The following KRT72 variants were observed in gnomAD, a reference collection of about 807,000 sequenced individuals.
KRT72 encodes keratin 72, also known as keratin, type II cytoskeletal 72.
A neutral mutation model predicts 44.7 loss-of-function variants in KRT72; 44 were observed. The ratio of observed to expected loss-of-function variants is 0.98; its 90% CI spans 0.77 to 1.27. The LOEUF (loss-of-function observed/expected upper bound fraction) is 1.27, where lower values mean the gene tolerates loss of function less well. Among genes scored for constraint, KRT72 ranks in the 50% most tolerant of loss-of-function variants. The pLI, the probability that KRT72 is intolerant of heterozygous loss-of-function variation, is 0.00. For missense variants in KRT72, 736 were observed against 667.1 expected, an observed-to-expected ratio of 1.10 and a Z score of -1.14; for synonymous variants, 302 against 280.4, an observed-to-expected ratio of 1.08 and a Z score of -0.77.
rs112554837 is a variant in KRT72, at chr12:52,600,365, C to T, written c.426+662G>A. Among the ~76,000 whole-genome samples, 588 of 152,284 alleles carry T rather than the reference C, an allele frequency of 3.9e-3. 17 individuals are homozygous for T. The East Asian group carries it at 0.048, about 12-fold the overall frequency. ...ATTGGGAGCTCTCAAAGTGCCCATT[C>T]CTTGGACATCCTGACCCCTCCCTTC... On this transcript the variant is annotated intron_variant, in intron 1 of 8. Coordinates refer to ENST00000293745, the MANE Select transcript of KRT72 (RefSeq NM_080747.3).
Position 52,590,887 on chromosome 12 carries a change from G to A in KRT72, c.1038C>T (p.Leu346=), listed in dbSNP as rs908684975. 5 of 1,606,478 alleles carry A rather than the reference G, an allele frequency of 3.1e-6. No homozygotes were observed. Among genetic ancestry groups the A allele is most frequent in the East Asian group, 2.2e-5 (1 of 44,748 alleles). The change falls in exon 6 of 9, where the codon CTC becomes CTT. Residue 346 remains leucine, a synonymous_variant. Coordinates refer to ENST00000293745, the MANE Select transcript of KRT72 (RefSeq NM_080747.3). The stretch of plus-strand genomic sequence containing the variant: ...AGCGGATCCTCTGGATCAGGCGGTT[G>A]AGCTCAGAGATTTCAGCCTTGGTGA... The part of the protein sequence containing the change: ...LKLTKAEISE[L]NRLIQRIRSE...
At chr12:52,591,688 TG>T (rs1397332139) in intron 4 of KRT72, 60 bp from the exon 5 acceptor site, 44 of 1,498,070 alleles carry the variant, frequency 2.9e-5, no homozygotes, top group Non-Finnish European at 4.0e-5. Context: ...CCAGTTCTCT[TG>T]GTCCTCCCTG....
intron 2 of KRT72, among the ~76,000 whole-genome samples, chr12:52,594,233 A>G (rs1215750080): frequency 1.3e-5 from 2 of 152,192 alleles, no homozygotes. Context: ...TAGAAATACC[A>G]TTTGACCCAG....
intron 4 of KRT72, 104 bp downstream of exon 4, chr12:52,592,292 G>T: frequency 1.3e-6 from 1 of 796,594 alleles, no homozygotes; most frequent in Non-Finnish European, 2.2e-6. Flanking sequence ...CAGGTTGAAA[G>T]CTTTCTCCCT....
chr12:52,592,807 A>C, intron 3 of KRT72, 85 bp downstream of exon 3: 27 of 1,108,246 alleles, frequency 2.4e-5, no homozygotes, highest in Non-Finnish European at 3.1e-5. Flanking sequence ...AGTGACCTAC[A>C]GGGCCCCTTT....
At chr12:52,592,556 C>T in intron 3 of KRT72, 65 bp from the exon 4 acceptor site, 2 of 1,211,990 alleles carry the variant, frequency 1.7e-6, no homozygotes, top group Non-Finnish European at 2.4e-6. Flanking sequence ...CCCTCCCTGC[C>T]ACAGGAAGCC....
intron 1 of KRT72, among the ~76,000 whole-genome samples, chr12:52,600,512 A>C (rs1464713556): frequency 6.6e-6 from 1 of 152,148 alleles, no homozygotes; most frequent in Non-Finnish European, 1.5e-5. Context: ...GGAGGGACCC[A>C]GGGGGGAGGT....
intron 6 of KRT72, among the ~76,000 whole-genome samples, chr12:52,589,103 G>A (rs1322663220): frequency 3.3e-5 from 5 of 152,148 alleles, no homozygotes; most frequent in Non-Finnish European, 4.4e-5. Flanking sequence ...CCCCCAGGGG[G>A]CTTCCTGAGC....
chr12:52,592,630 C>A, intron 3 of KRT72, 139 bp from the exon 4 acceptor site: 2 of 680,926 alleles, frequency 2.9e-6, no homozygotes. Context: ...CCCTTCAGTC[C>A]CTGAGAGTAA....
intron 6 of KRT72, among the ~76,000 whole-genome samples, 181 bp from the exon 7 acceptor site, chr12:52,588,032 C>A (rs1036039890): frequency 6.6e-6 from 1 of 152,218 alleles, no homozygotes; most frequent in Admixed American, 6.5e-5. Context: ...CATGGTTCAC[C>A]CTGGCTCATG....
chr12:52,592,123 C>A (rs1940058184), intron 4 of KRT72, among the ~76,000 whole-genome samples: 1 of 152,210 alleles, frequency 6.6e-6, no homozygotes, highest in Non-Finnish European at 1.5e-5. Flanking sequence ...CAGAACCCAC[C>A]ATTCCTTCCT....
chr12:52,591,626 C>A lies in KRT72; in HGVS notation c.801G>T (p.Glu267Asp). ...TGATGTGGGACTGGATCTGAGTGAT[C>A]TCCTGGGGACGGTTGGGGGAGGGGA... ...IKFFKCLYEG[E>D]ITQIQSHISD... The change falls in exon 5 of 9, where the codon GAG (glutamate) becomes GAT (aspartate). Residue 267 changes from glutamate (E) to aspartate (D), a missense_variant and splice_region_variant. Glu to Asp is a conservative substitution (Grantham distance 45). Coordinates refer to ENST00000293745, the MANE Select transcript of KRT72 (RefSeq NM_080747.3). The A allele has an allele frequency of 6.2e-7, 1 of 1,604,800 alleles. No individual in the cohort carries two copies. The highest frequency in any genetic ancestry group is 8.5e-7 in the Non-Finnish European group (1 of 1,172,602).
At chr12:52,601,470 G>T (rs1329702367), upstream of KRT72, 1 of 1,532,470 alleles carries the variant, frequency 6.5e-7, no homozygotes, top group Admixed American at 2.0e-5. Flanking sequence ...AAGTACCGGT[G>T]CTGGCCGCGC....
At chr12:52,594,213 G>A (rs564128152) in intron 2 of KRT72, among the ~76,000 whole-genome samples, 2 of 152,108 alleles carry the variant, frequency 1.3e-5, no homozygotes, top group Middle Eastern at 3.2e-3. Flanking sequence ...ATTCCTCAAG[G>A]ATCTAGAACT....
chr12:52,599,034 T>C lies in KRT72; in HGVS notation c.505A>G (p.Arg169Gly). The C allele has an allele frequency of 6.2e-7, 1 of 1,614,018 alleles. No individual in the cohort carries two copies. Among genetic ancestry groups the C allele is most frequent in the Non-Finnish European group, 8.5e-7 (1 of 1,179,890 alleles). ...TCATAAATGGGCTCCAGGTTCTTCC[T>C]GCAGTTGTTCAAGTCCAGCTGCTGT... ...LLQQLDLNNC[R>G]KNLEPIYEGY... The change falls in exon 2 of 9, where the codon AGG becomes GGG. Residue 169 changes from arginine to glycine, a missense_variant. Coordinates refer to ENST00000293745, the MANE Select transcript of KRT72 (RefSeq NM_080747.3).
At chr12:52,598,515 C>A (rs1157401875) in intron 2 of KRT72, among the ~76,000 whole-genome samples, 4 of 152,180 alleles carry the variant, frequency 2.6e-5, no homozygotes, top group African/African-American at 9.7e-5. Context: ...AGCCATGATT[C>A]AACATGGAAT....
Position 52,585,875 on chromosome 12 carries a change from A to T in KRT72, c.*107T>A. The T allele has an allele frequency of 9.9e-7, 1 of 1,011,750 alleles. No individual in the cohort carries two copies. The highest frequency in any genetic ancestry group is 1.5e-6 in the Non-Finnish European group (1 of 664,880). 62.7% of individuals were successfully genotyped at this position (1,011,750 alleles called of 1,614,324 possible). A position where few individuals can be genotyped will look rare whatever the true frequency, so the allele number is the denominator to read the frequency against. ...GGAGAGGAAATGGGGTTGGGACTGT[A>T]GTGACAGACAAAGCATTTCTTGACT... On this transcript the variant is annotated 3_prime_UTR_variant, in exon 9 of 9. Coordinates refer to ENST00000293745, the MANE Select transcript of KRT72 (RefSeq NM_080747.3).
chr12:52,602,098 T>C (rs1466327692), upstream of KRT72, among the ~76,000 whole-genome samples: 2 of 152,122 alleles, frequency 1.3e-5, no homozygotes, highest in African/African-American at 4.8e-5. Context: ...TGTTGAGGGT[T>C]GACTTTGGAC....
intron 4 of KRT72, among the ~76,000 whole-genome samples, chr12:52,592,045 C>A (rs1940055840): frequency 6.6e-6 from 1 of 152,158 alleles, no homozygotes; most frequent in Non-Finnish European, 1.5e-5. Context: ...TTTTTCTGCC[C>A]CCCTCAGCAC....
Sources: gnomAD v4.1 joint callset for allele counts (sites outside exome capture counted in the v4.1 genomes callset) on GRCh38, gnomAD v4.1.1 for gene constraint, MANE v1.5 for transcripts, NCBI Gene and HGNC (gene_info 2026-07-23, HGNC 2026-07-21) for gene names.